PIK3R3: variants seen among roughly 807,000 people sequenced by gnomAD.
PIK3R3 encodes phosphatidylinositol 3-kinase regulatory subunit gamma.
PIK3R3 carries 64 observed loss-of-function variants against 62.9 expected under a neutral mutation model. That is an observed-to-expected ratio of 1.02 (90% CI 0.83 to 1.25). The LOEUF (loss-of-function observed/expected upper bound fraction) is 1.25, where lower values mean the gene tolerates loss of function less well. PIK3R3 is among the 50% of genes most tolerant of loss of function. The probability of loss-of-function intolerance (pLI) is 0.00; values close to 1 mark genes in which losing one functional copy is unlikely to be tolerated. For missense variants in PIK3R3, 614 were observed against 561.6 expected, an observed-to-expected ratio of 1.09 and a Z score of -0.94; for synonymous variants, 165 against 189.0, an observed-to-expected ratio of 0.87 and a Z score of 1.04.
the PIK3R3 span, among the ~76,000 whole-genome samples, chr1:46,155,339 A>G: frequency 4.6e-5 from 7 of 150,748 alleles, no homozygotes; most frequent in Non-Finnish European, 1.5e-5. Context: ...ACAAAAAAGA[A>G]AAAAAAAAAC....
At chr1:46,158,371 C>T in the PIK3R3 span, among the ~76,000 whole-genome samples, 394 of 152,314 alleles carry the variant, frequency 2.6e-3, 1 homozygote, top group African/African-American at 9.2e-3. Flanking sequence ...TTGTGACTTG[C>T]GCATGCTAGC....
At chr1:46,097,819 G>T (rs1344135793) in intron 1 of PIK3R3, among the ~76,000 whole-genome samples, 1 of 147,934 alleles carries the variant, frequency 6.8e-6, no homozygotes, top group African/African-American at 2.5e-5. Flanking sequence ...AACCCAGGAG[G>T]GGGAGGTTGC....
At chr1:46,168,157 AT>A in the PIK3R3 span, among the ~76,000 whole-genome samples, 1 of 152,182 alleles carries the variant, frequency 6.6e-6, no homozygotes, top group East Asian at 1.9e-4. Flanking sequence ...TCTCAAAAAA[AT>A]AAATTAATTA....
chr1:46,062,475 C>T (rs758060639), intron 5 of PIK3R3, among the ~76,000 whole-genome samples: 10 of 151,952 alleles, frequency 6.6e-5, no homozygotes, highest in Non-Finnish European at 1.0e-4. Context: ...CTCAGGAGGC[C>T]GAGGCAGGAG....
Position 46,066,177 on chromosome 1 carries a change from A to T in PIK3R3, c.498T>A (p.Asp166Glu). 6.4e-7 allele frequency: 1 copy of T among 1,562,388 alleles called. No individual in the cohort carries two copies. ...LMYPVSRYQQ[D>E]QLVKEDNIDA... Reference sequence around the variant, plus strand: ...CAATATTATCTTCTTTTACCAACTGATCCTATACAGGTAAAGAAAAAAATA... The same window carrying T: ...CAATATTATCTTCTTTTACCAACTGTTCCTATACAGGTAAAGAAAAAAATA... The change falls in exon 5 of 10, where the codon GAT becomes GAA. Residue 166 changes from aspartate (D) to glutamate (E), a missense_variant and splice_region_variant. Physicochemically the swap from Asp to Glu is conservative, Grantham distance 45 (BLOSUM62 2). Coordinates refer to ENST00000262741, the MANE Select transcript of PIK3R3 (RefSeq NM_003629.4).
intron 1 of PIK3R3, among the ~76,000 whole-genome samples, chr1:46,130,564 G>GAA (rs66538782): frequency 2.3e-4 from 34 of 147,714 alleles, no homozygotes; most frequent in South Asian, 2.1e-4. Flanking sequence ...CTGACTAATT[G>GAA]AAAAAAAAAA....
chr1:46,078,497 G>A (rs1302936283), intron 2 of PIK3R3, among the ~76,000 whole-genome samples: 2 of 152,104 alleles, frequency 1.3e-5, no homozygotes, highest in Non-Finnish European at 2.9e-5. Context: ...GGCTGAGACT[G>A]CACCACTGCA....
chr1:46,045,779 T>C (rs1041009333), intron 9 of PIK3R3, 139 bp downstream of exon 9: 3 of 706,398 alleles, frequency 4.2e-6, no homozygotes, highest in Admixed American at 5.7e-5. Flanking sequence ...CTGGGTTTTT[T>C]TGTACTAATA....
intron 1 of PIK3R3, among the ~76,000 whole-genome samples, chr1:46,117,830 A>G (rs1441839171): frequency 6.6e-6 from 1 of 152,228 alleles, no homozygotes; most frequent in Non-Finnish European, 1.5e-5. Context: ...AGCACTTGGG[A>G]GGCCAGGGTA....
At chr1:46,110,514 T>C (rs1200867066) in intron 1 of PIK3R3, among the ~76,000 whole-genome samples, 3 of 152,030 alleles carry the variant, frequency 2.0e-5, no homozygotes, top group Admixed American at 2.0e-4. Flanking sequence ...TCTCAGGCCT[T>C]GTTAAGTAAT....
chr1:46,051,787 C>G (rs1451573831), intron 7 of PIK3R3, among the ~76,000 whole-genome samples: 1 of 152,176 alleles, frequency 6.6e-6, no homozygotes, highest in African/African-American at 2.4e-5. Flanking sequence ...TGAAAGCAGA[C>G]AGTACTAAAC....
the PIK3R3 span, among the ~76,000 whole-genome samples, chr1:46,150,085 C>G: frequency 6.6e-6 from 1 of 152,198 alleles, no homozygotes; most frequent in African/African-American, 2.4e-5. Context: ...CAAGAACCCC[C>G]TTTTGGGGTC....
the PIK3R3 span, among the ~76,000 whole-genome samples, chr1:46,143,640 A>G: frequency 6.6e-6 from 1 of 151,826 alleles, no homozygotes; most frequent in East Asian, 1.9e-4. Context: ...ATGCCCAGCT[A>G]ACTAAGAAAA....
At chr1:46,080,543 G>A (rs1174374322) in intron 2 of PIK3R3, 99 bp downstream of exon 2, 12 of 789,450 alleles carry the variant, frequency 1.5e-5, no homozygotes, top group Non-Finnish European at 2.2e-5. Context: ...TTATAGGCAT[G>A]AGCCACCATG....
chr1:46,041,857 C>G lies in PIK3R3; in HGVS notation c.*1816G>C. 1 of 213,556 alleles carries G rather than the reference C, an allele frequency of 4.7e-6. No individual in the cohort carries two copies. Among genetic ancestry groups the G allele is most frequent in the Non-Finnish European group, 9.5e-6 (1 of 105,546 alleles). The allele number at this position is 213,556 out of a possible 1,614,324, so 13.2% of individuals were successfully genotyped here. On this transcript the variant is annotated 3_prime_UTR_variant, in exon 10 of 10. Transcript: ENST00000262741. Reference sequence around the variant, plus strand: ...CAAAGAGAAGCACTTCCCTTTCTATCCTCGTCACTAGTAACTGGAGGTTTT... The same window carrying G: ...CAAAGAGAAGCACTTCCCTTTCTATGCTCGTCACTAGTAACTGGAGGTTTT...
intron 1 of PIK3R3, among the ~76,000 whole-genome samples, chr1:46,126,766 G>A (rs372166789): frequency 2.0e-5 from 3 of 148,020 alleles, no homozygotes; most frequent in African/African-American, 7.5e-5. Context: ...GCAAGACCCT[G>A]TCTCAAAAAA....
chr1:46,071,294 A>G (rs917985513), intron 3 of PIK3R3, among the ~76,000 whole-genome samples: 4 of 152,032 alleles, frequency 2.6e-5, no homozygotes, highest in Non-Finnish European at 4.4e-5. Flanking sequence ...CCATTTATGC[A>G]TATGGTAGCT....
rs564765412 is a variant in PIK3R3 at position 46,080,439 on chromosome 1, G to A, written c.215+203C>T. ...TTTTGAGAGTTGGGGGTCTTACTCT[G>A]TTGCCCAGGCTGGAGTGCAACAGAG... On this transcript the variant is annotated intron_variant, in intron 2 of 9. Coordinates refer to ENST00000262741, the MANE Select transcript of PIK3R3 (RefSeq NM_003629.4). 3.3e-5 allele frequency among the ~76,000 whole-genome samples: 5 copies of A among 151,960 alleles called. No individual in the cohort carries two copies. In the South Asian group the frequency reaches 1.0e-3, roughly 32 times the overall value.
At chr1:46,139,885 C>G in the PIK3R3 span, among the ~76,000 whole-genome samples, 1 of 152,188 alleles carries the variant, frequency 6.6e-6, no homozygotes, top group Non-Finnish European at 1.5e-5. Context: ...GTATCCTACC[C>G]TGACATAGGG....
Sources: allele counts gnomAD v4.1 joint callset (sites outside exome capture counted in the v4.1 genomes callset), GRCh38; gene constraint gnomAD v4.1.1; transcripts MANE v1.5; gene names NCBI Gene and HGNC (gene_info 2026-07-23, HGNC 2026-07-21).